SNTG1: variants seen among roughly 807,000 people sequenced by gnomAD.
SNTG1 encodes syntrophin gamma 1.
SNTG1 carries 39 observed loss-of-function variants against 74.7 expected under a neutral mutation model. That is an observed-to-expected ratio of 0.52 (90% CI 0.40 to 0.68). The LOEUF (loss-of-function observed/expected upper bound fraction) is 0.68, where lower values mean the gene tolerates loss of function less well. Ranked by LOEUF, SNTG1 falls within the 30% of genes least tolerant of loss-of-function variation. The probability of loss-of-function intolerance (pLI) is 0.00; values close to 1 mark genes in which losing one functional copy is unlikely to be tolerated. For synonymous variants in SNTG1, 254 were observed against 217.1 expected (o/e 1.17, Z -1.49); for missense variants, 685 against 609.5 (o/e 1.12, Z -1.30).
In SNTG1 at chr8:50,352,638, G is replaced by A. The variant is rs375727164; in HGVS notation, c.-27-41574G>A. Among the ~76,000 whole-genome samples the A allele has an allele frequency of 1.9e-3, 296 of 152,178 alleles. 1 individual carries two copies. Among genetic ancestry groups the A allele is most frequent in the South Asian group, 9.6e-3 (46 of 4,816 alleles). ...ACTCCTGACCTCAGGTGATCCACCC[G>A]CCTCAGCTTTCCAAAGTGCCAGGAT... On this transcript the variant is annotated intron_variant, in intron 2 of 18. Transcript: ENST00000642720.
chr8:50,236,085 G>C (rs932592539), intron 2 of SNTG1, among the ~76,000 whole-genome samples: 1 of 152,116 alleles, frequency 6.6e-6, no homozygotes, highest in Admixed American at 6.6e-5. Context: ...TGGGAGTATG[G>C]AGGAGAGGTT....
chr8:49,931,012 TAC>T (rs1563361754), intron 1 of SNTG1, among the ~76,000 whole-genome samples: 1 of 152,132 alleles, frequency 6.6e-6, no homozygotes, highest in African/African-American at 2.4e-5. Context: ...AAGAAAAAGA[TAC>T]ATTTCAAAGG....
intron 1 of SNTG1, among the ~76,000 whole-genome samples, chr8:50,059,847 A>G (rs1441581620): frequency 6.6e-6 from 1 of 152,056 alleles, no homozygotes; most frequent in Non-Finnish European, 1.5e-5. Context: ...CATTTCTCTT[A>G]AGTATATACC....
intron 8 of SNTG1, among the ~76,000 whole-genome samples, chr8:50,496,714 T>A (rs2093907667): frequency 6.6e-6 from 1 of 152,202 alleles, no homozygotes; most frequent in Non-Finnish European, 1.5e-5. Flanking sequence ...TTATTGATTG[T>A]CACCATTTAT....
At position 50,700,789 on chromosome 8, in the gene SNTG1, C is replaced by T. The variant is rs144450826; in HGVS notation, c.1039-3811C>T. Among the ~76,000 whole-genome samples, 9 of 152,240 alleles carry T rather than the reference C, an allele frequency of 5.9e-5. 1 individual carries two copies. The East Asian group carries it at 1.7e-3, about 29-fold the overall frequency. On this transcript the variant is annotated intron_variant, in intron 15 of 18. Coordinates refer to ENST00000642720, the MANE Select transcript of SNTG1 (RefSeq NM_018967.5). ...TCGTTATTTTAACATATTTCTCTCCCTCACTAAAATGAGACCTGGGTGCTC... is the reference window on the plus strand; with the variant it reads ...TCGTTATTTTAACATATTTCTCTCCTTCACTAAAATGAGACCTGGGTGCTC...
chr8:50,405,295 C>T (rs1025585526), intron 4 of SNTG1, among the ~76,000 whole-genome samples: 1 of 152,094 alleles, frequency 6.6e-6, no homozygotes, highest in South Asian at 2.1e-4. Context: ...AAGTTCTCCA[C>T]ATTCATGCCA....
intron 11 of SNTG1, 98 bp from the exon 12 acceptor site, chr8:50,552,952 T>C (rs982480228): frequency 1.4e-6 from 2 of 1,414,974 alleles, no homozygotes; most frequent in African/African-American, 1.4e-5. Flanking sequence ...CTGATATTTA[T>C]ATTGTATGAA....
intron 1 of SNTG1, among the ~76,000 whole-genome samples, chr8:50,160,477 T>C (rs2082381850): frequency 6.6e-6 from 1 of 152,312 alleles, no homozygotes; most frequent in South Asian, 2.1e-4. Flanking sequence ...TTAAGATTAG[T>C]CCTCATCACT....
chr8:49,956,482 G>A (rs1302205159), intron 1 of SNTG1, among the ~76,000 whole-genome samples: 2 of 152,172 alleles, frequency 1.3e-5, no homozygotes, highest in South Asian at 2.1e-4. Context: ...CTGTGAAATT[G>A]GATGGGTCAT....
chr8:50,467,515 T>C (rs2093618345), intron 8 of SNTG1, among the ~76,000 whole-genome samples: 1 of 151,940 alleles, frequency 6.6e-6, no homozygotes, highest in Non-Finnish European at 1.5e-5. Flanking sequence ...TGGTAATTTG[T>C]ATCTTTCTCT....
At chr8:50,376,729 T>TTATATATATATATATATATA (rs375978893) in intron 2 of SNTG1, among the ~76,000 whole-genome samples, 2 of 100,612 alleles carry the variant, frequency 2.0e-5, no homozygotes, top group Non-Finnish European at 4.0e-5. Flanking sequence ...TATTAATAAA[T>TTATATATATATATATATATA]TATATATATA....
chr8:50,279,694 G>T (rs2088323776), intron 2 of SNTG1, among the ~76,000 whole-genome samples: 1 of 152,146 alleles, frequency 6.6e-6, no homozygotes, highest in South Asian at 2.1e-4. Flanking sequence ...GCATACAAGA[G>T]AGATGACCCA....
intron 12 of SNTG1, among the ~76,000 whole-genome samples, chr8:50,558,973 T>C (rs2130664718): frequency 6.6e-6 from 1 of 152,346 alleles, no homozygotes; most frequent in South Asian, 2.1e-4. Context: ...TGTTTTGTTT[T>C]CAACTTTTAT....
intron 1 of SNTG1, among the ~76,000 whole-genome samples, chr8:50,161,040 T>A (rs2082398904): frequency 6.6e-6 from 1 of 152,140 alleles, no homozygotes; most frequent in Non-Finnish European, 1.5e-5. Context: ...ATAGAGAAGA[T>A]GATATTTTAA....
At chr8:49,920,954 G>A (rs181577128) in intron 1 of SNTG1, among the ~76,000 whole-genome samples, 6 of 152,218 alleles carry the variant, frequency 3.9e-5, no homozygotes, top group African/African-American at 1.4e-4. Flanking sequence ...GCTCACATAT[G>A]TAAGTGTGAA....
intron 2 of SNTG1, among the ~76,000 whole-genome samples, chr8:50,242,412 C>T (rs1270720377): frequency 6.6e-6 from 1 of 151,246 alleles, no homozygotes; most frequent in African/African-American, 2.4e-5. Context: ...CCTGTAATCC[C>T]AGCTACTTAG....
intron 1 of SNTG1, among the ~76,000 whole-genome samples, chr8:50,033,267 G>A (rs1563500141): frequency 6.6e-6 from 1 of 151,942 alleles, no homozygotes; most frequent in Non-Finnish European, 1.5e-5. Context: ...GGGATTACAG[G>A]CATGCGCCAC....
At chr8:49,917,677 T>C (rs1806165989) in intron 1 of SNTG1, among the ~76,000 whole-genome samples, 1 of 152,212 alleles carries the variant, frequency 6.6e-6, no homozygotes, top group African/African-American at 2.4e-5. Context: ...CTTCCAAACA[T>C]ACTATCCTCA....
At chr8:50,347,715 G>T (rs117229672) in intron 2 of SNTG1, among the ~76,000 whole-genome samples, 1 of 152,218 alleles carries the variant, frequency 6.6e-6, no homozygotes, top group Non-Finnish European at 1.5e-5. Context: ...TATTCTAGTG[G>T]TTGATCCATA....
Sources: allele counts gnomAD v4.1 joint callset (sites outside exome capture counted in the v4.1 genomes callset), GRCh38; gene constraint gnomAD v4.1.1; transcripts MANE v1.5; gene names NCBI Gene and HGNC (gene_info 2026-07-23, HGNC 2026-07-21).